The following PUS7 variants were observed in gnomAD, a reference collection of about 807,000 sequenced individuals.
The protein encoded by PUS7 is pseudouridine synthase 7, also known as pseudouridylate synthase 7 homolog.
A neutral mutation model predicts 79.8 loss-of-function variants in PUS7; 48 were observed. The observed-to-expected ratio is 0.60, with a 90% confidence interval of 0.48 to 0.76. PUS7 has a LOEUF of 0.76. Among genes scored for constraint, PUS7 ranks in the 30% least tolerant of loss-of-function variants. PUS7 has a pLI of 0.00. For synonymous variants in PUS7, 286 were observed against 272.2 expected, an observed-to-expected ratio of 1.05 and a Z score of -0.50; for missense variants, 729 against 797.6, an observed-to-expected ratio of 0.91 and a Z score of 1.04.
At chr7:105,508,788 C>G (rs1825578473) in intron 1 of PUS7, among the ~76,000 whole-genome samples, 1 of 140,560 alleles carries the variant, frequency 7.1e-6, no homozygotes, top group African/African-American at 2.6e-5. Context: ...AGGGGCATTG[C>G]TTGAACCCGG....
chr7:105,458,238 T>C (rs1436166590), intron 15 of PUS7, among the ~76,000 whole-genome samples: 1 of 152,092 alleles, frequency 6.6e-6, no homozygotes, highest in East Asian at 1.9e-4. Flanking sequence ...AAGAATTTGA[T>C]GATGAGAATG....
intron 12 of PUS7, among the ~76,000 whole-genome samples, chr7:105,466,767 A>C (rs909762056): frequency 3.3e-5 from 5 of 152,142 alleles, no homozygotes; most frequent in East Asian, 1.9e-4. Flanking sequence ...AGTTAAAAAA[A>C]AAAACTGGAA....
intron 1 of PUS7, among the ~76,000 whole-genome samples, chr7:105,517,784 A>T (rs1233876928): frequency 6.6e-6 from 1 of 151,746 alleles, no homozygotes; most frequent in Non-Finnish European, 1.5e-5. Context: ...AGGCAGGTAG[A>T]TGGCTTGAGA....
intron 2 of PUS7, among the ~76,000 whole-genome samples, chr7:105,506,570 G>T (rs559341330): frequency 1.3e-5 from 2 of 151,800 alleles, no homozygotes; most frequent in African/African-American, 4.8e-5. Flanking sequence ...TTACAGGCAC[G>T]TGCCACCACG....
At chr7:105,460,759 C>T (rs1823390076) in intron 14 of PUS7, among the ~76,000 whole-genome samples, 1 of 137,790 alleles carries the variant, frequency 7.3e-6, no homozygotes, top group African/African-American at 2.7e-5. Context: ...GAGGCTGAGG[C>T]AGGAGAATGG....
At position 105,470,758 on chromosome 7, in the gene PUS7, C is replaced by A; in HGVS notation, c.1328G>T (p.Cys443Phe). 1 of 1,612,442 alleles carries A rather than the reference C, an allele frequency of 6.2e-7. No homozygotes were observed. The highest frequency in any genetic ancestry group is 8.5e-7 in the Non-Finnish European group (1 of 1,178,640). ...TCCTCGAAGCAGCTGCCCTTCCACACACCTTTTGACAGGTAGTTTTCTGAG... is the reference window on the plus strand; with the variant it reads ...TCCTCGAAGCAGCTGCCCTTCCACAAACCTTTTGACAGGTAGTTTTCTGAG... ...AALRKLPVKR[C>F]VEGQLLRGLS... is the part of the protein sequence containing the mutation. The change falls in exon 11 of 16, where the codon TGT becomes TTT. Residue 443 changes from cysteine to phenylalanine, a missense_variant. Coordinates refer to ENST00000469408, the MANE Select transcript of PUS7 (RefSeq NM_019042.5).
chr7:105,508,072 A>C, intron 2 of PUS7, 43 bp downstream of exon 2: 1 of 1,555,408 alleles, frequency 6.4e-7, no homozygotes, highest in Non-Finnish European at 8.7e-7. Flanking sequence ...TAAAGAAGAA[A>C]CCTAATACAA....
intron 1 of PUS7, among the ~76,000 whole-genome samples, chr7:105,512,250 T>TTACATAAAA (rs1301147434): frequency 6.6e-5 from 10 of 151,682 alleles, no homozygotes; most frequent in Admixed American, 3.9e-4. Context: ...ACAACTGTAG[T>TTACATAAAA]TACATAAAAG....
Position 105,482,435 on chromosome 7 carries a change from G to GT in PUS7, c.925dup (p.Thr309AsnfsTer10). ...ATTCAGGTGGGCAAGTCTTTGTGCAGTTATTCTTTAAAAAAAAAAAAAAAA... is the reference window on the plus strand; with the variant it reads ...ATTCAGGTGGGCAAGTCTTTGTGCAGTTTATTCTTTAAAAAAAAAAAAAAAA... On this transcript the variant is annotated frameshift_variant, in exon 8 of 16. Coordinates refer to ENST00000469408, the MANE Select transcript of PUS7 (RefSeq NM_019042.5). LOFTEE classifies it high-confidence loss of function. The GT allele has an allele frequency of 1.3e-6, 2 of 1,489,844 alleles. No homozygotes were observed. Among genetic ancestry groups the GT allele is most frequent in the Non-Finnish European group, 1.8e-6 (2 of 1,103,372 alleles). 92.3% of individuals were successfully genotyped at this position (1,489,844 alleles called of 1,614,324 possible).
intron 4 of PUS7, among the ~76,000 whole-genome samples, chr7:105,505,122 TCCC>T (rs1443208160): frequency 6.6e-6 from 1 of 151,334 alleles, no homozygotes; most frequent in East Asian, 1.9e-4. Flanking sequence ...TGCCTCAGCC[TCCC>T]AAGTAGCTGG....
intron 14 of PUS7, among the ~76,000 whole-genome samples, chr7:105,460,474 T>C (rs966655836): frequency 3.3e-5 from 5 of 152,152 alleles, no homozygotes; most frequent in African/African-American, 9.6e-5. Context: ...AAATAGGGAA[T>C]AAAATAATTT....
rs556863220 is a variant in PUS7 at position 105,462,534 on chromosome 7, T to C, written c.1757+87A>G. On this transcript the variant is annotated intron_variant, in intron 14 of 15. Coordinates refer to ENST00000469408, the MANE Select transcript of PUS7 (RefSeq NM_019042.5). ...ATCTGTCACTGACTGAAAATTCTTG[T>C]GCAGTACATGACTCTATATAAAGTG... 240 of 1,389,746 alleles carry C rather than the reference T, an allele frequency of 1.7e-4. 4 individuals are homozygous for C. The South Asian group carries it at 2.5e-3, about 15-fold the overall frequency. The allele number at this position is 1,389,746 out of a possible 1,614,324, so 86.1% of individuals were successfully genotyped here.
At chr7:105,516,871 G>A (rs561709629) in intron 1 of PUS7, among the ~76,000 whole-genome samples, 83 of 152,166 alleles carry the variant, frequency 5.5e-4, no homozygotes, top group African/African-American at 2.0e-3. Context: ...CTACCCCAAG[G>A]TGAGAGGCCC....
chr7:105,464,476 C>T (rs946140579), intron 13 of PUS7, among the ~76,000 whole-genome samples: 6 of 152,160 alleles, frequency 3.9e-5, no homozygotes, highest in South Asian at 2.1e-4. Context: ...CACCTCCAGT[C>T]GGCTGGGGGC....
intron 1 of PUS7, among the ~76,000 whole-genome samples, chr7:105,511,275 TG>T (rs941225165): frequency 2.6e-5 from 4 of 151,176 alleles, no homozygotes; most frequent in African/African-American, 9.7e-5. Context: ...CCTCATGATT[TG>T]CCCGCCTCGG....
At position 105,485,649 on chromosome 7, in the gene PUS7, G is replaced by T. The variant is rs530927559; in HGVS notation, c.921-3209C>A. Among the ~76,000 whole-genome samples, 12 of 152,246 alleles carry T rather than the reference G, an allele frequency of 7.9e-5. No individual in the cohort carries two copies. In the South Asian group the frequency reaches 1.2e-3, roughly 16 times the overall value. On this transcript the variant is annotated intron_variant, in intron 7 of 15. Transcript: ENST00000469408. ...GTTACTCAGTTATCCAACATTTTTT[G>T]AATCAACCATTATTTTTTGAATCAA...
At chr7:105,510,694 T>G (rs1825668153) in intron 1 of PUS7, among the ~76,000 whole-genome samples, 1 of 152,076 alleles carries the variant, frequency 6.6e-6, no homozygotes, top group African/African-American at 2.4e-5. Flanking sequence ...TTGTAATTTT[T>G]GGTAGAGACA....
In PUS7 at chr7:105,502,664, C is replaced by T. The variant is rs989777115; in HGVS notation, c.586-100G>A. ...AAAACACTGCTCACCTTATTAACTA[C>T]GCAAAATAACAAAAGTGCCTGCATA... On this transcript the variant is annotated intron_variant, in intron 4 of 15. Transcript: ENST00000469408. 9.4e-5 allele frequency: 122 copies of T among 1,293,146 alleles called. 1 individual carries two copies. In the Middle Eastern group the frequency reaches 1.7e-3, roughly 18 times the overall value. 80.1% of individuals were successfully genotyped at this position (1,293,146 alleles called of 1,614,324 possible).
intron 7 of PUS7, among the ~76,000 whole-genome samples, chr7:105,489,147 C>CAAAAAAAAAAAAAAA (rs762504334): frequency 5.9e-5 from 2 of 33,704 alleles, no homozygotes; most frequent in African/African-American, 1.9e-4. Flanking sequence ...AACTCCATCT[C>CAAAAAAAAAAAAAAA]AAAAAAAAAA....
Sources: gnomAD v4.1 joint callset for allele counts (sites outside exome capture counted in the v4.1 genomes callset) on GRCh38, gnomAD v4.1.1 for gene constraint, MANE v1.5 for transcripts, NCBI Gene and HGNC (gene_info 2026-07-23, HGNC 2026-07-21) for gene names.